The following CRIM1 variants were observed in gnomAD, a reference collection of about 807,000 sequenced individuals.
CRIM1 encodes the protein cysteine rich transmembrane BMP regulator 1.
CRIM1 carries 32 observed loss-of-function variants against 116.4 expected under a neutral mutation model. That is an observed-to-expected ratio of 0.27 (90% confidence interval 0.21 to 0.37). The LOEUF (loss-of-function observed/expected upper bound fraction) is 0.37. Among genes scored for constraint, CRIM1 ranks in the 10% least tolerant of loss-of-function variants. The probability of loss-of-function intolerance (pLI) is 1.00; values close to 1 mark genes in which losing one functional copy is unlikely to be tolerated. For missense variants in CRIM1, 1,331 were observed against 1,354.8 expected, an observed-to-expected ratio of 0.98 and a Z score of 0.28; for synonymous variants, 590 against 509.2, an observed-to-expected ratio of 1.16 and a Z score of -2.13.
intron 14 of CRIM1, among the ~76,000 whole-genome samples, chr2:36,538,034 G>A (rs533779722): frequency 5.9e-5 from 9 of 152,052 alleles, no homozygotes; most frequent in East Asian, 1.9e-4. Flanking sequence ...TACCATCCAC[G>A]CAGCCTTCTC....
chr2:36,500,270 C>T (rs999946407), intron 8 of CRIM1, among the ~76,000 whole-genome samples: 1 of 152,138 alleles, frequency 6.6e-6, no homozygotes, highest in African/African-American at 2.4e-5. Flanking sequence ...GGGCAAAGGT[C>T]ACAGTGAGCT....
intron 2 of CRIM1, among the ~76,000 whole-genome samples, chr2:36,411,314 G>T (rs1673184228): frequency 6.6e-6 from 1 of 152,120 alleles, no homozygotes; most frequent in South Asian, 2.1e-4. Context: ...TCTCAGCCTG[G>T]CTTCATGTCT....
chr2:36,545,451 T>C (rs1485258123), intron 15 of CRIM1, among the ~76,000 whole-genome samples: 6 of 152,188 alleles, frequency 3.9e-5, no homozygotes, highest in African/African-American at 1.2e-4. Flanking sequence ...AGTACGACTA[T>C]TCTTATGACT....
At chr2:36,370,785 T>C (rs974891872) in intron 1 of CRIM1, among the ~76,000 whole-genome samples, 1 of 152,144 alleles carries the variant, frequency 6.6e-6, no homozygotes, top group Non-Finnish European at 1.5e-5. Flanking sequence ...CAGTGAACTT[T>C]TTTTCTTTAG....
chr2:36,464,691 A>G, intron 5 of CRIM1, 36 bp downstream of exon 5: 1 of 1,606,772 alleles, frequency 6.2e-7, no homozygotes, highest in Non-Finnish European at 8.5e-7. Context: ...GAGAGTGTAC[A>G]TTTGTGCAGA....
intron 7 of CRIM1, among the ~76,000 whole-genome samples, chr2:36,488,256 A>C (rs966678180): frequency 6.6e-6 from 1 of 152,198 alleles, no homozygotes; most frequent in Admixed American, 6.5e-5. Flanking sequence ...CTATTTTAAA[A>C]TCGTAGGACA....
chr2:36,432,078 A>G (rs913590191), intron 2 of CRIM1, among the ~76,000 whole-genome samples: 5 of 152,170 alleles, frequency 3.3e-5, no homozygotes, highest in African/African-American at 1.2e-4. Context: ...TCTTCTTAAA[A>G]TGTTGCTGAG....
At chr2:36,391,287 C>A (rs970855644) in intron 1 of CRIM1, among the ~76,000 whole-genome samples, 4 of 151,624 alleles carry the variant, frequency 2.6e-5, no homozygotes, top group African/African-American at 9.7e-5. Flanking sequence ...CGCCACCACG[C>A]CAGCTAATTT....
At chr2:36,447,365 T>C (rs1049130005) in intron 4 of CRIM1, among the ~76,000 whole-genome samples, 1 of 152,248 alleles carries the variant, frequency 6.6e-6, no homozygotes, top group Non-Finnish European at 1.5e-5. Context: ...CACATTTCTA[T>C]CTGCATACCA....
intron 4 of CRIM1, among the ~76,000 whole-genome samples, chr2:36,449,962 G>A (rs901733099): frequency 6.6e-6 from 1 of 152,042 alleles, no homozygotes; most frequent in African/African-American, 2.4e-5. Context: ...GAACTGGTTG[G>A]ATTGTGAAAG....
chr2:36,503,140 C>T (rs942480300), intron 8 of CRIM1, among the ~76,000 whole-genome samples: 1 of 152,130 alleles, frequency 6.6e-6, no homozygotes, highest in Admixed American at 6.5e-5. Flanking sequence ...CAAATCAAAC[C>T]AAATTTCCAG....
intron 4 of CRIM1, among the ~76,000 whole-genome samples, chr2:36,443,045 G>A (rs1239987511): frequency 1.3e-5 from 2 of 152,100 alleles, no homozygotes; most frequent in African/African-American, 4.8e-5. Flanking sequence ...AGGCAGTGAG[G>A]TGTCTATCAA....
At chr2:36,501,634 A>T (rs984540630) in intron 8 of CRIM1, among the ~76,000 whole-genome samples, 3 of 152,122 alleles carry the variant, frequency 2.0e-5, no homozygotes, top group Non-Finnish European at 4.4e-5. Context: ...AGGTGGGGCG[A>T]TCTCTTGAGC....
At chr2:36,441,627 G>T in intron 3 of CRIM1, 127 bp downstream of exon 3, 6 of 1,201,232 alleles carry the variant, frequency 5.0e-6, no homozygotes, top group Non-Finnish European at 7.0e-6. Context: ...CTGTGAATCT[G>T]CCACTTTGGG....
intron 7 of CRIM1, among the ~76,000 whole-genome samples, chr2:36,485,396 C>T (rs796952376): frequency 3.3e-5 from 5 of 152,318 alleles, no homozygotes; most frequent in African/African-American, 1.2e-4. Flanking sequence ...CTCTAAAAGG[C>T]TGGAGTTCTG....
chr2:36,417,584 TTC>T, intron 2 of CRIM1, among the ~76,000 whole-genome samples: 1 of 152,332 alleles, frequency 6.6e-6, no homozygotes, highest in South Asian at 2.1e-4. Flanking sequence ...TTGTAGGATC[TTC>T]AAAGCTAAAG....
At chr2:36,479,978 A>G (rs1679283925) in intron 7 of CRIM1, among the ~76,000 whole-genome samples, 1 of 152,238 alleles carries the variant, frequency 6.6e-6, no homozygotes, top group South Asian at 2.1e-4. Flanking sequence ...CTTTGAACCT[A>G]ATTAACACCC....
At chr2:36,456,046 C>T (rs899021849) in intron 4 of CRIM1, among the ~76,000 whole-genome samples, 2 of 152,164 alleles carry the variant, frequency 1.3e-5, no homozygotes, top group South Asian at 4.1e-4. Flanking sequence ...CCAGATGGTT[C>T]TGGCGGCCTG....
chr2:36,381,279 G>A (rs1436694700), intron 1 of CRIM1, among the ~76,000 whole-genome samples: 2 of 152,238 alleles, frequency 1.3e-5, no homozygotes, highest in Non-Finnish European at 2.9e-5. Flanking sequence ...GAGGTGGGAT[G>A]GAGGGAAAGG....
Sources: allele counts gnomAD v4.1 joint callset (sites outside exome capture counted in the v4.1 genomes callset), GRCh38; gene constraint gnomAD v4.1.1; transcripts MANE v1.5; gene names NCBI Gene and HGNC (gene_info 2026-07-23, HGNC 2026-07-21).